SUPT3H: variants seen among roughly 807,000 people sequenced by gnomAD.
SUPT3H encodes the protein SPT3 homolog, SAGA and STAGA complex component.
Under a neutral mutation model 44.3 loss-of-function variants are expected in SUPT3H, and 44 were observed. That is an observed-to-expected ratio of 0.99 (90% confidence interval 0.78 to 1.28). SUPT3H has a LOEUF of 1.28. Among genes scored for constraint, SUPT3H ranks in the 50% most tolerant of loss-of-function variants. SUPT3H has a pLI of 0.00. For missense variants in SUPT3H, 380 were observed against 387.1 expected (o/e 0.98, Z 0.15); for synonymous variants, 124 against 125.6 (o/e 0.99, Z 0.09).
At chr6:45,176,561 G>A (rs1338279417) in intron 2 of SUPT3H, among the ~76,000 whole-genome samples, 433 of 139,998 alleles carry the variant, frequency 3.1e-3, no homozygotes, top group Admixed American at 3.5e-3. Flanking sequence ...CTCGAACTGG[G>A]TGGAGCCCAC....
chr6:45,056,382 C>T (rs1189061275), intron 3 of SUPT3H, among the ~76,000 whole-genome samples: 1 of 152,112 alleles, frequency 6.6e-6, no homozygotes, highest in Non-Finnish European at 1.5e-5. Flanking sequence ...CTTGCATATG[C>T]ATGTTTATAG....
chr6:44,879,331 C>A (rs982714169), intron 10 of SUPT3H, among the ~76,000 whole-genome samples: 1 of 152,162 alleles, frequency 6.6e-6, no homozygotes, highest in Non-Finnish European at 1.5e-5. Context: ...TGGGCAGAGC[C>A]CACTGCAGCT....
chr6:45,128,609 TACAC>T (rs567267636), intron 2 of SUPT3H, among the ~76,000 whole-genome samples: 1 of 122,746 alleles, frequency 8.1e-6, no homozygotes, highest in Non-Finnish European at 1.7e-5. Flanking sequence ...TATACACACA[TACAC>T]ACACATATAT....
At chr6:44,831,534 G>A (rs371873345) in intron 10 of SUPT3H, among the ~76,000 whole-genome samples, 1 of 152,262 alleles carries the variant, frequency 6.6e-6, no homozygotes, top group East Asian at 1.9e-4. Context: ...TTACAGAGAG[G>A]CTTATGCCAA....
intron 2 of SUPT3H, among the ~76,000 whole-genome samples, chr6:45,209,991 G>A (rs575241114): frequency 1.3e-5 from 2 of 152,146 alleles, no homozygotes; most frequent in South Asian, 4.2e-4. Context: ...CACACTGAAG[G>A]CTCAGATGAT....
At chr6:45,106,340 G>C (rs1358486762) in intron 2 of SUPT3H, among the ~76,000 whole-genome samples, 1 of 152,122 alleles carries the variant, frequency 6.6e-6, no homozygotes, top group Non-Finnish European at 1.5e-5. Flanking sequence ...GCTGAGGTGG[G>C]GGGATGGCTT....
rs192150729 is a variant in SUPT3H, at chr6:44,877,983, T to C, written c.913-48126A>G. 5.4e-3 allele frequency among the ~76,000 whole-genome samples: 822 copies of C among 152,350 alleles called. 13 individuals are homozygous for C. The highest frequency in any genetic ancestry group is 0.019 in the African/African-American group (792 of 41,574). ...CTTAGTATGTCTAAAAGGAATTTAA[T>C]ATAAAATGTATGATATGCCGTTTCT... On this transcript the variant is annotated intron_variant, in intron 10 of 10. Coordinates refer to ENST00000371459, the MANE Select transcript of SUPT3H (RefSeq NM_003599.4).
At chr6:45,241,383 T>G (rs1053660345) in intron 2 of SUPT3H, among the ~76,000 whole-genome samples, 2 of 152,202 alleles carry the variant, frequency 1.3e-5, no homozygotes, top group African/African-American at 2.4e-5. Flanking sequence ...AAGGCGTTCT[T>G]AAACCACAAA....
intron 9 of SUPT3H, among the ~76,000 whole-genome samples, chr6:44,946,058 C>T (rs1773290716): frequency 6.6e-6 from 1 of 152,146 alleles, no homozygotes. Context: ...TAAATCTATT[C>T]TGCTTATGCT....
chr6:45,326,347 C>T (rs1786328995), intron 2 of SUPT3H, among the ~76,000 whole-genome samples: 1 of 151,770 alleles, frequency 6.6e-6, no homozygotes, highest in African/African-American at 2.4e-5. Flanking sequence ...GTTTGGAAAT[C>T]CCACAAGCTA....
At chr6:44,887,887 A>C (rs989889999) in intron 10 of SUPT3H, among the ~76,000 whole-genome samples, 1 of 152,108 alleles carries the variant, frequency 6.6e-6, no homozygotes, top group Non-Finnish European at 1.5e-5. Flanking sequence ...CTAATAAAGA[A>C]GAAAAGAGAG....
intron 2 of SUPT3H, among the ~76,000 whole-genome samples, chr6:45,209,095 C>T (rs1763676536): frequency 6.6e-6 from 1 of 152,176 alleles, no homozygotes; most frequent in Non-Finnish European, 1.5e-5. Context: ...ACCTACTACT[C>T]AGAAAAAAGA....
At chr6:44,810,601 T>TGA (rs1766444560) in intron 11 of SUPT3H, among the ~76,000 whole-genome samples, 1 of 145,416 alleles carries the variant, frequency 6.9e-6, no homozygotes, top group Non-Finnish European at 1.5e-5. Context: ...AGCCTTTTAC[T>TGA]AAAAAAAAAA....
intron 10 of SUPT3H, among the ~76,000 whole-genome samples, chr6:44,930,308 G>C (rs780751256): frequency 4.0e-5 from 6 of 151,898 alleles, no homozygotes; most frequent in Non-Finnish European, 7.4e-5. Flanking sequence ...GTGAATCCGG[G>C]AGGCGGAGCT....
chr6:44,876,901 G>GA (rs1405543423), intron 10 of SUPT3H, among the ~76,000 whole-genome samples: 1 of 142,674 alleles, frequency 7.0e-6, no homozygotes. Flanking sequence ...TATCTTAAAA[G>GA]AAAAAAACTG....
At chr6:45,171,784 C>G (rs1033162816) in intron 2 of SUPT3H, among the ~76,000 whole-genome samples, 3 of 114,724 alleles carry the variant, frequency 2.6e-5, no homozygotes, top group African/African-American at 1.0e-4. Flanking sequence ...GTGGTGTGAT[C>G]TCGGCTCACT....
intron 2 of SUPT3H, among the ~76,000 whole-genome samples, chr6:45,256,093 C>A (rs1773341913): frequency 6.6e-6 from 1 of 152,154 alleles, no homozygotes; most frequent in Non-Finnish European, 1.5e-5. Context: ...ATGGTGTGAA[C>A]CCGGGAGGCG....
At chr6:45,167,093 C>T (rs893799161) in intron 2 of SUPT3H, among the ~76,000 whole-genome samples, 2 of 152,142 alleles carry the variant, frequency 1.3e-5, no homozygotes, top group African/African-American at 4.8e-5. Flanking sequence ...GCCAGGAGCA[C>T]ATTAAGATCT....
intron 2 of SUPT3H, among the ~76,000 whole-genome samples, chr6:45,307,272 G>A (rs977778778): frequency 3.3e-5 from 5 of 152,160 alleles, no homozygotes; most frequent in Admixed American, 6.5e-5. Context: ...AGAGAGTAGG[G>A]GTTCTCCCAG....
Sources: gnomAD v4.1 joint callset for allele counts (sites outside exome capture counted in the v4.1 genomes callset) on GRCh38, gnomAD v4.1.1 for gene constraint, MANE v1.5 for transcripts, NCBI Gene and HGNC (gene_info 2026-07-23, HGNC 2026-07-21) for gene names.